Variants in ZNF652 observed in about 807,000 individuals in gnomAD.
The protein encoded by ZNF652 is zinc finger protein 652.
ZNF652 carries 16 observed loss-of-function variants against 45.2 expected under a neutral mutation model. That is an observed-to-expected ratio of 0.35 (90% confidence interval 0.24 to 0.54). The LOEUF (loss-of-function observed/expected upper bound fraction) is 0.54, where lower values mean the gene tolerates loss of function less well. ZNF652 is among the 20% of genes least tolerant of loss of function. The pLI is 0.91. For missense variants in ZNF652, 614 were observed against 765.6 expected, an observed-to-expected ratio of 0.80 and a Z score of 2.34; for synonymous variants, 250 against 260.6, an observed-to-expected ratio of 0.96 and a Z score of 0.39.
intron 1 of ZNF652, among the ~76,000 whole-genome samples, chr17:49,318,762 T>G (rs186412004): frequency 6.6e-6 from 1 of 152,176 alleles, no homozygotes; most frequent in Admixed American, 6.5e-5. Flanking sequence ...TCCATCACAG[T>G]GAGAGCTCGC....
chr17:49,300,788 A>T (rs1167395702), intron 5 of ZNF652, among the ~76,000 whole-genome samples: 2 of 152,144 alleles, frequency 1.3e-5, no homozygotes, highest in Non-Finnish European at 2.9e-5. Context: ...CTTACTGTGT[A>T]CCAGACACTG....
intron 1 of ZNF652, among the ~76,000 whole-genome samples, chr17:49,346,378 C>T (rs7207729): frequency 0.36 from 54,483 of 152,144 alleles, 10,019 homozygotes; most frequent in Non-Finnish European, 0.38. Context: ...TGGCAAAACC[C>T]TGTCTCTACT....
chr17:49,336,922 G>A (rs1041654636), intron 1 of ZNF652, among the ~76,000 whole-genome samples: 9 of 145,756 alleles, frequency 6.2e-5, no homozygotes, highest in East Asian at 2.0e-4. Flanking sequence ...ACCCGGCCCC[G>A]GCCTACTTTT....
intron 1 of ZNF652, among the ~76,000 whole-genome samples, chr17:49,359,204 G>C (rs2143151925): frequency 6.6e-6 from 1 of 152,294 alleles, no homozygotes; most frequent in South Asian, 2.1e-4. Context: ...TTTGGGTTTA[G>C]AATAGCCAAA....
At chr17:49,333,870 T>C (rs2070053315) in intron 1 of ZNF652, among the ~76,000 whole-genome samples, 1 of 151,972 alleles carries the variant, frequency 6.6e-6, no homozygotes, top group Admixed American at 6.6e-5. Context: ...AATAAAAAAT[T>C]GGAACACAGC....
chr17:49,350,971 A>ATGTGTGTG (rs1491360202), intron 1 of ZNF652, among the ~76,000 whole-genome samples: 44 of 14,240 alleles, frequency 3.1e-3, no homozygotes, highest in Non-Finnish European at 7.1e-3. Flanking sequence ...CTCTGTCTAC[A>ATGTGTGTG]TATATATATA....
intron 1 of ZNF652, among the ~76,000 whole-genome samples, chr17:49,356,305 T>G (rs1437645438): frequency 6.6e-6 from 1 of 150,888 alleles, no homozygotes; most frequent in Non-Finnish European, 1.5e-5. Flanking sequence ...CAGGCGCCTG[T>G]AATCCCAGCT....
chr17:49,310,982 G>C (rs1205323257), intron 5 of ZNF652, among the ~76,000 whole-genome samples: 1 of 152,182 alleles, frequency 6.6e-6, no homozygotes. Flanking sequence ...TTAAGGCCCA[G>C]AACCCTTTCC....
intron 1 of ZNF652, among the ~76,000 whole-genome samples, chr17:49,351,575 G>A (rs918615416): frequency 6.6e-6 from 1 of 151,830 alleles, no homozygotes; most frequent in Non-Finnish European, 1.5e-5. Context: ...TCAAAACCAC[G>A]GACATACATA....
chr17:49,302,539 C>T (rs1006288637), intron 5 of ZNF652, among the ~76,000 whole-genome samples: 7 of 152,060 alleles, frequency 4.6e-5, no homozygotes, highest in Admixed American at 6.5e-5. Context: ...CTGCCCGCCT[C>T]GGCCTCCCAA....
At chr17:49,326,366 A>G (rs914462557) in intron 1 of ZNF652, among the ~76,000 whole-genome samples, 5 of 152,198 alleles carry the variant, frequency 3.3e-5, no homozygotes, top group Non-Finnish European at 7.3e-5. Context: ...TGCCAAAAGA[A>G]CAACCAGCTT....
rs1348808767 is a variant in ZNF652, at chr17:49,289,317, CAG to C, written c.*9094_*9095del. 1.1e-4 allele frequency: 17 copies of C among 151,730 alleles called. No homozygotes were observed. The highest frequency in any genetic ancestry group is 3.1e-4 in the African/African-American group (13 of 41,312). 9.4% of individuals were successfully genotyped at this position (151,730 alleles called of 1,614,324 possible). A position where few individuals can be genotyped will look rare whatever the true frequency, so the allele number is the denominator to read the frequency against. ...AAATCATTAGGCGGCACACCTGTAC[CAG>C]AGTCTCACAAGAATAAAATATACAA... is the stretch of plus-strand genomic sequence containing the variant. On this transcript the variant is annotated 3_prime_UTR_variant, in exon 6 of 6. Transcript: ENST00000430262.
chr17:49,358,205 G>A (rs528257773), intron 1 of ZNF652, among the ~76,000 whole-genome samples: 5 of 152,248 alleles, frequency 3.3e-5, no homozygotes, highest in Admixed American at 6.6e-5. Flanking sequence ...ACAGTGGAGC[G>A]GGGGTTTTAA....
intron 1 of ZNF652, among the ~76,000 whole-genome samples, chr17:49,342,745 C>T (rs1432153867): frequency 6.6e-6 from 1 of 152,012 alleles, no homozygotes; most frequent in African/African-American, 2.4e-5. Context: ...TAATGATCTG[C>T]TTGTGAGGAG....
chr17:49,316,393 T>C (rs923245511), intron 2 of ZNF652, among the ~76,000 whole-genome samples: 2 of 152,248 alleles, frequency 1.3e-5, no homozygotes, highest in East Asian at 1.9e-4. Flanking sequence ...TGAGTCATTA[T>C]GGTTTTTGTC....
chr17:49,360,425 C>A (rs2070380517), intron 1 of ZNF652, among the ~76,000 whole-genome samples: 1 of 152,140 alleles, frequency 6.6e-6, no homozygotes, highest in South Asian at 2.1e-4. Flanking sequence ...TCCATGAACC[C>A]AAACAAAGAT....
chr17:49,326,491 A>G (rs1470286061), intron 1 of ZNF652, among the ~76,000 whole-genome samples: 1 of 152,118 alleles, frequency 6.6e-6, no homozygotes, highest in Non-Finnish European at 1.5e-5. Flanking sequence ...TATATCCCCC[A>G]TTGTATATTT....
chr17:49,359,157 T>C (rs71379359), intron 1 of ZNF652, among the ~76,000 whole-genome samples: 220 of 152,294 alleles, frequency 1.4e-3, no homozygotes, highest in African/African-American at 4.4e-3. Context: ...ACAAAGTATA[T>C]ACAAAGAAAA....
At chr17:49,338,733 A>G (rs570716638) in intron 1 of ZNF652, among the ~76,000 whole-genome samples, 1 of 152,328 alleles carries the variant, frequency 6.6e-6, no homozygotes, top group Non-Finnish European at 1.5e-5. Context: ...ATCAGCAAAC[A>G]GAAAGAATTT....
Sources: gnomAD v4.1 joint callset for allele counts (sites outside exome capture counted in the v4.1 genomes callset) on GRCh38, gnomAD v4.1.1 for gene constraint, MANE v1.5 for transcripts, NCBI Gene and HGNC (gene_info 2026-07-23, HGNC 2026-07-21) for gene names.